The following CIP2A variants were observed in gnomAD, a reference collection of about 807,000 sequenced individuals.
CIP2A encodes cellular inhibitor of PP2A, also known as protein CIP2A.
Under a neutral mutation model 110.9 loss-of-function variants are expected in CIP2A, and 103 were observed. The observed-to-expected ratio is 0.93, with a 90% CI of 0.79 to 1.09. The LOEUF (loss-of-function observed/expected upper bound fraction) is 1.09. Ranked by LOEUF, CIP2A falls within the 50% of genes least tolerant of loss-of-function variation. The probability of loss-of-function intolerance (pLI) is 0.00; values close to 1 mark genes in which losing one functional copy is unlikely to be tolerated. For missense variants in CIP2A, 1,088 were observed against 1,038.4 expected, an observed-to-expected ratio of 1.05 and a Z score of -0.66; for synonymous variants, 381 against 361.6, an observed-to-expected ratio of 1.05 and a Z score of -0.61.
At chr3:108,555,521 T>C (rs1559688523) in intron 17 of CIP2A, among the ~76,000 whole-genome samples, 1 of 152,156 alleles carries the variant, frequency 6.6e-6, no homozygotes, top group Non-Finnish European at 1.5e-5. Context: ...ACCCGGACCC[T>C]CATTGAGGAA....
At chr3:108,555,940 G>T (rs1012568078) in intron 17 of CIP2A, among the ~76,000 whole-genome samples, 1 of 152,052 alleles carries the variant, frequency 6.6e-6, no homozygotes, top group African/African-American at 2.4e-5. Flanking sequence ...TCCTTACTTG[G>T]CACCCTGCAG....
At chr3:108,552,497 A>C in intron 19 of CIP2A, 124 bp from the exon 20 acceptor site, 1 of 518,492 alleles carries the variant, frequency 1.9e-6, no homozygotes, top group Non-Finnish European at 3.2e-6. Context: ...AACTTCTCTT[A>C]TGACAGTATT....
intron 1 of CIP2A, among the ~76,000 whole-genome samples, chr3:108,588,129 G>A (rs930571333): frequency 6.6e-6 from 1 of 152,142 alleles, no homozygotes; most frequent in Admixed American, 6.5e-5. Context: ...TAATGCTTCA[G>A]AATAGCATAC....
chr3:108,560,742 T>G lies in CIP2A; in HGVS notation c.1734A>C (p.Pro578=), dbSNP rs1172302123. ...GAGGAGTTAAACACTTTATTGATGT[T>G]GGAAAACTGTGATTTGATGATTGCC... The part of the protein sequence containing the change: ...MPWQSSNHSF[P]TSIKCLTPHL... The change falls in exon 14 of 21, where the codon CCA becomes CCC. Residue 578 remains proline (P), a synonymous_variant. Transcript: ENST00000295746. 6.2e-7 allele frequency: 1 copy of G among 1,612,484 alleles called. No homozygotes were observed. Among genetic ancestry groups the G allele is most frequent in the Admixed American group, 1.7e-5 (1 of 59,962 alleles).
chr3:108,582,842 T>G (rs1410387274), intron 3 of CIP2A, 135 bp downstream of exon 3: 6 of 429,298 alleles, frequency 1.4e-5, no homozygotes, highest in Non-Finnish European at 2.5e-5. Flanking sequence ...CAGCTTTTAA[T>G]GAGATGAACT....
At position 108,557,245 on chromosome 3, in the gene CIP2A, G is replaced by A; in HGVS notation, c.2183C>T (p.Thr728Ile). 1.9e-6 allele frequency: 3 copies of A among 1,598,390 alleles called. No homozygotes were observed. Among genetic ancestry groups the A allele is most frequent in the Non-Finnish European group, 1.7e-6 (2 of 1,169,084 alleles). The change falls in exon 17 of 21, where the codon ACA becomes ATA. Residue 728 changes from threonine to isoleucine, a missense_variant. Transcript: ENST00000295746. The stretch of plus-strand genomic sequence containing the variant: ...CTGAAGAAGTTCCATGTAGGATTTT[G>A]TCAGTATTTCATGTTCTTCAGCCAC... ...ESVAEEHEILTKSYMELLQRN... is the reference protein window; with the variant it reads ...ESVAEEHEILIKSYMELLQRN...
chr3:108,566,662 A>T, intron 10 of CIP2A, 24 bp from the exon 11 acceptor site: 2 of 1,496,726 alleles, frequency 1.3e-6, no homozygotes, highest in Non-Finnish European at 1.8e-6. Flanking sequence ...AAGATATACA[A>T]CAAAAAAATT....
chr3:108,565,323 T>A, intron 12 of CIP2A, 32 bp downstream of exon 12: 1 of 1,077,368 alleles, frequency 9.3e-7, no homozygotes, highest in Non-Finnish European at 1.4e-6. Flanking sequence ...TATGTATGAA[T>A]AAACTTCAAT....
intron 13 of CIP2A, among the ~76,000 whole-genome samples, chr3:108,562,091 T>C (rs1938024411): frequency 1.3e-5 from 2 of 152,184 alleles, no homozygotes; most frequent in East Asian, 3.8e-4. Flanking sequence ...ATATTTATTA[T>C]AAAATTAAGG....
chr3:108,554,586 A>C (rs989253730), intron 17 of CIP2A, 97 bp from the exon 18 acceptor site: 27 of 591,544 alleles, frequency 4.6e-5, no homozygotes, highest in Non-Finnish European at 7.8e-5. Context: ...TCTTCTAACC[A>C]AATTGCATAT....
intron 14 of CIP2A, 80 bp downstream of exon 14, chr3:108,560,569 C>T: frequency 1.3e-6 from 1 of 757,048 alleles, no homozygotes; most frequent in Non-Finnish European, 2.1e-6. Context: ...CTGTACCTGA[C>T]AGTGTTTAGA....
intron 13 of CIP2A, 23 bp from the exon 14 acceptor site, chr3:108,560,864 A>T: frequency 6.9e-7 from 1 of 1,441,432 alleles, no homozygotes; most frequent in Non-Finnish European, 9.3e-7. Flanking sequence ...CAAAGAAAGG[A>T]AAAAAAAATT....
rs188167622 is a variant in CIP2A at position 108,586,574 on chromosome 3, T to C, written c.103-1362A>G. The stretch of plus-strand genomic sequence containing the variant: ...TTATTTTAATAATAACTAATACTTA[T>C]ACAGCACTTACTCTGGCCTAGGCAT... On this transcript the variant is annotated intron_variant, in intron 1 of 20. Coordinates refer to ENST00000295746, the MANE Select transcript of CIP2A (RefSeq NM_020890.3). 4.3e-3 allele frequency among the ~76,000 whole-genome samples: 660 copies of C among 152,348 alleles called. 3 individuals carry two copies. Among genetic ancestry groups the C allele is most frequent in the Non-Finnish European group, 6.9e-3 (467 of 68,016 alleles).
chr3:108,568,372 A>G, intron 9 of CIP2A, 58 bp from the exon 10 acceptor site: 1 of 1,429,096 alleles, frequency 7.0e-7, no homozygotes, highest in African/African-American at 1.4e-5. Context: ...CAATACAGAA[A>G]AAGTCATCAC....
At chr3:108,568,373 A>G (rs1938259909) in intron 9 of CIP2A, 59 bp from the exon 10 acceptor site, 1 of 1,402,990 alleles carries the variant, frequency 7.1e-7, no homozygotes, top group East Asian at 2.4e-5. Context: ...AATACAGAAA[A>G]AGTCATCACT....
intron 13 of CIP2A, 95 bp from the exon 14 acceptor site, chr3:108,560,936 C>CT (rs1303952975): frequency 1.7e-5 from 12 of 710,424 alleles, no homozygotes; most frequent in Non-Finnish European, 2.4e-5. Context: ...AGAATGGGTC[C>CT]TTTTTTTGAA....
chr3:108,587,500 G>GT (rs1286580573), intron 1 of CIP2A, among the ~76,000 whole-genome samples: 1 of 152,166 alleles, frequency 6.6e-6, no homozygotes, highest in African/African-American at 2.4e-5. Flanking sequence ...GAAATGTTCT[G>GT]TATCATGATA....
chr3:108,588,617 T>C lies in CIP2A; in HGVS notation c.102+657A>G, dbSNP rs566118851. ...AAATTAAACTGAGGTCAATGTTAGT[T>C]TGAATTCCGTAAATGCAAAACAAAT... On this transcript the variant is annotated intron_variant, in intron 1 of 20. Coordinates refer to ENST00000295746, the MANE Select transcript of CIP2A (RefSeq NM_020890.3). 9.5e-4 allele frequency among the ~76,000 whole-genome samples: 144 copies of C among 152,306 alleles called. 1 individual carries two copies. Among genetic ancestry groups the C allele is most frequent in the Non-Finnish European group, 1.5e-4 (10 of 68,030 alleles).
At position 108,587,954 on chromosome 3, in the gene CIP2A, T is replaced by G. The variant is rs145257692; in HGVS notation, c.102+1320A>C. On this transcript the variant is annotated intron_variant, in intron 1 of 20. Transcript: ENST00000295746. ...ACGCCACGCCCAGGTAATTTTTGTATTTTTAGTAGAGACGGGGTTTCGCAT... is the reference window on the plus strand; with the variant it reads ...ACGCCACGCCCAGGTAATTTTTGTAGTTTTAGTAGAGACGGGGTTTCGCAT... 3.4e-3 allele frequency among the ~76,000 whole-genome samples: 523 copies of G among 152,164 alleles called. 3 individuals carry two copies. The highest frequency in any genetic ancestry group is 5.9e-3 in the Non-Finnish European group (401 of 67,996).
Sources: gnomAD v4.1 joint callset for allele counts (sites outside exome capture counted in the v4.1 genomes callset) on GRCh38, gnomAD v4.1.1 for gene constraint, MANE v1.5 for transcripts, NCBI Gene and HGNC (gene_info 2026-07-23, HGNC 2026-07-21) for gene names.